Variants in GRIP1 observed in about 807,000 individuals in gnomAD.
GRIP1 encodes glutamate receptor interacting protein 1.
In GRIP1, 45 loss-of-function variants were observed where a neutral mutation model predicts 129.9. The ratio of observed to expected loss-of-function variants is 0.35; its 90% CI spans 0.27 to 0.44. The LOEUF (loss-of-function observed/expected upper bound fraction) is 0.44. Ranked by LOEUF, GRIP1 falls within the 20% of genes least tolerant of loss-of-function variation. The pLI is 1.00. For synonymous variants in GRIP1, 530 were observed against 520.8 expected (o/e 1.02, Z -0.24); for missense variants, 1,196 against 1,396.8 (o/e 0.86, Z 2.29).
At chr12:66,926,367 C>T (rs1296083732) in intron 1 of GRIP1, among the ~76,000 whole-genome samples, 1 of 152,202 alleles carries the variant, frequency 6.6e-6, no homozygotes, top group Non-Finnish European at 1.5e-5. Flanking sequence ...CCCCATAGCT[C>T]GAAGCTAGCT....
intron 1 of GRIP1, among the ~76,000 whole-genome samples, chr12:66,840,774 A>G (rs986142734): frequency 6.6e-6 from 1 of 152,280 alleles, no homozygotes; most frequent in Non-Finnish European, 1.5e-5. Context: ...GAGAGGCAGA[A>G]GAGAGTAGGA....
chr12:66,790,820 G>A (rs1289242062), intron 1 of GRIP1, among the ~76,000 whole-genome samples: 4 of 152,014 alleles, frequency 2.6e-5, no homozygotes, highest in South Asian at 2.1e-4. Context: ...ATTACAAAAC[G>A]AGGGAGGCGG....
chr12:66,721,283 C>CT (rs1027196647), intron 1 of GRIP1, among the ~76,000 whole-genome samples: 12 of 151,740 alleles, frequency 7.9e-5, no homozygotes, highest in Non-Finnish European at 7.4e-5. Flanking sequence ...ATAATTCTTT[C>CT]TTTTTTTTAA....
chr12:66,670,348 T>C (rs996254785), intron 1 of GRIP1, among the ~76,000 whole-genome samples: 1 of 152,188 alleles, frequency 6.6e-6, no homozygotes, highest in African/African-American at 2.4e-5. Flanking sequence ...ACAATATTCA[T>C]TTCCATCCCC....
chr12:66,577,918 C>T (rs2063198798), intron 2 of GRIP1, among the ~76,000 whole-genome samples: 1 of 152,294 alleles, frequency 6.6e-6, no homozygotes, highest in African/African-American at 2.4e-5. Flanking sequence ...CATGCCACTG[C>T]ACTCCAGCCT....
At chr12:66,503,403 G>C (rs762787040) in intron 7 of GRIP1, among the ~76,000 whole-genome samples, 7 of 152,070 alleles carry the variant, frequency 4.6e-5, no homozygotes, top group African/African-American at 7.2e-5. Context: ...GGGAGAAATC[G>C]TGGGAAAGAG....
intron 1 of GRIP1, among the ~76,000 whole-genome samples, chr12:67,020,746 A>T (rs1479607764): frequency 6.6e-6 from 1 of 152,180 alleles, no homozygotes; most frequent in Non-Finnish European, 1.5e-5. Flanking sequence ...ACATAATATA[A>T]TTTTTATTTT....
At chr12:66,401,138 A>C (rs1245052345) in intron 16 of GRIP1, among the ~76,000 whole-genome samples, 1 of 152,184 alleles carries the variant, frequency 6.6e-6, no homozygotes, top group Non-Finnish European at 1.5e-5. Context: ...AAACGCCTAC[A>C]ACCCCAAGTG....
At chr12:66,541,016 T>C (rs925855019) in intron 3 of GRIP1, among the ~76,000 whole-genome samples, 3 of 151,982 alleles carry the variant, frequency 2.0e-5, no homozygotes, top group African/African-American at 4.8e-5. Flanking sequence ...GGTTTCACCA[T>C]GTTGGTCAAG....
intron 1 of GRIP1, among the ~76,000 whole-genome samples, chr12:66,845,405 C>T (rs982652481): frequency 1.3e-5 from 2 of 152,050 alleles, no homozygotes; most frequent in African/African-American, 2.4e-5. Context: ...TGCAGTGAGC[C>T]GAGATCAGGC....
intron 9 of GRIP1, among the ~76,000 whole-genome samples, chr12:66,461,387 G>A (rs928654924): frequency 4.6e-5 from 7 of 152,138 alleles, no homozygotes; most frequent in Admixed American, 2.6e-4. Context: ...ATCCAATGAT[G>A]ACTGCCGATT....
At chr12:66,352,793 C>T (rs2054298439) in intron 24 of GRIP1, among the ~76,000 whole-genome samples, 2 of 151,250 alleles carry the variant, frequency 1.3e-5, no homozygotes, top group Non-Finnish European at 2.9e-5. Context: ...CATCAACCCT[C>T]CAATTAGTTA....
At chr12:66,777,561 C>G (rs755588545) in intron 1 of GRIP1, among the ~76,000 whole-genome samples, 6 of 152,138 alleles carry the variant, frequency 3.9e-5, no homozygotes, top group Non-Finnish European at 7.4e-5. Flanking sequence ...TCTCTTGCCT[C>G]TAAAATATAG....
At chr12:66,465,864 G>C (rs2059272437) in intron 7 of GRIP1, among the ~76,000 whole-genome samples, 1 of 151,898 alleles carries the variant, frequency 6.6e-6, no homozygotes, top group African/African-American at 2.4e-5. Context: ...ATATAAAAAA[G>C]AAAGGAAGGA....
At chr12:66,511,244 T>A (rs1433686214) in intron 7 of GRIP1, among the ~76,000 whole-genome samples, 1 of 152,182 alleles carries the variant, frequency 6.6e-6, no homozygotes, top group African/African-American at 2.4e-5. Context: ...CCTTCTGCCA[T>A]GATTGTGAAG....
intron 7 of GRIP1, among the ~76,000 whole-genome samples, chr12:66,506,122 C>T (rs1360743759): frequency 6.6e-6 from 1 of 152,134 alleles, no homozygotes; most frequent in Non-Finnish European, 1.5e-5. Flanking sequence ...AGGAAACACT[C>T]GTTGGCAGTA....
intron 1 of GRIP1, among the ~76,000 whole-genome samples, chr12:66,705,207 C>G (rs2035485573): frequency 6.6e-6 from 1 of 152,150 alleles, no homozygotes; most frequent in Admixed American, 6.6e-5. Flanking sequence ...CCATTCAAAA[C>G]AGCATCCTTT....
intron 1 of GRIP1, among the ~76,000 whole-genome samples, chr12:66,816,013 G>C (rs1052161463): frequency 2.0e-5 from 3 of 152,006 alleles, no homozygotes; most frequent in Non-Finnish European, 4.4e-5. Context: ...ATATTCATGA[G>C]TGTGACTCAA....
At chr12:67,022,971 C>T (rs1049424053) in intron 1 of GRIP1, among the ~76,000 whole-genome samples, 1 of 152,038 alleles carries the variant, frequency 6.6e-6, no homozygotes, top group Admixed American at 6.6e-5. Flanking sequence ...TGCTTAAGTA[C>T]CTGTTCAAAC....
Sources: gnomAD v4.1 joint callset for allele counts (sites outside exome capture counted in the v4.1 genomes callset) on GRCh38, gnomAD v4.1.1 for gene constraint, MANE v1.5 for transcripts, NCBI Gene and HGNC (gene_info 2026-07-23, HGNC 2026-07-21) for gene names.